The following TMEM8B variants were observed in gnomAD, a reference collection of about 807,000 sequenced individuals.
The protein encoded by TMEM8B is transmembrane protein 8B, also known as nasopharyngeal carcinoma expressed 6.
Under a neutral mutation model 49.3 loss-of-function variants are expected in TMEM8B, and 29 were observed. The ratio of observed to expected loss-of-function variants is 0.59; its 90% CI spans 0.44 to 0.80. The LOEUF (loss-of-function observed/expected upper bound fraction) is 0.80. Ranked by LOEUF, TMEM8B falls within the 30% of genes least tolerant of loss-of-function variation. The probability of loss-of-function intolerance (pLI) is 0.00; values close to 1 mark genes in which losing one functional copy is unlikely to be tolerated. For missense variants in TMEM8B, 575 were observed against 658.5 expected (o/e 0.87, Z 1.39); for synonymous variants, 264 against 272.8 (o/e 0.97, Z 0.32).
intron 1 of TMEM8B, among the ~76,000 whole-genome samples, chr9:35,834,228 T>G (rs1466147235): frequency 1.3e-5 from 2 of 152,136 alleles, no homozygotes; most frequent in Non-Finnish European, 2.9e-5. Flanking sequence ...TTTCCTTATC[T>G]GTAAAAGGAG....
At position 35,853,329 on chromosome 9, in the gene TMEM8B, C is replaced by T; in HGVS notation, c.2439+72C>T. The T allele has an allele frequency of 6.7e-7, 1 of 1,485,522 alleles. No individual in the cohort carries two copies. The highest frequency in any genetic ancestry group is 9.3e-7 in the Non-Finnish European group (1 of 1,071,660). 92.0% of individuals were successfully genotyped at this position (1,485,522 alleles called of 1,614,324 possible). On this transcript the variant is annotated intron_variant, in intron 12 of 12. Transcript: ENST00000643932. This position sits in a 1 kb window ranked among gnomAD's most constrained non-coding sequence, Gnocchi z 4.2. ...GTGCTGGGCCCCAGGTATCTGGTCC[C>T]CAGTTTAAGGTGGGCTTGGCTCTGT...
chr9:35,846,645 G>A, intron 9 of TMEM8B, 34 bp downstream of exon 9: 1 of 1,570,562 alleles, frequency 6.4e-7, no homozygotes. Context: ...GGCTGCGGTG[G>A]ACTGGAGGTG....
In TMEM8B at chr9:35,857,210, A is replaced by G. The variant is rs549524092; in HGVS notation, c.*3370A>G. ...GACAATTCAGTCCCGCAAACCTTCCATAGGGAACATGCTGTGGGAGCTACA... is the reference window on the plus strand; with the variant it reads ...GACAATTCAGTCCCGCAAACCTTCCGTAGGGAACATGCTGTGGGAGCTACA... On this transcript the variant is annotated 3_prime_UTR_variant, in exon 13 of 13. Coordinates refer to ENST00000643932, the MANE Select transcript of TMEM8B (RefSeq NM_001042590.4). 81 of 152,378 alleles carry G rather than the reference A, an allele frequency of 5.3e-4. No individual in the cohort carries two copies. The highest frequency in any genetic ancestry group is 1.8e-3 in the African/African-American group (76 of 41,582). The allele number at this position is 152,378 out of a possible 1,614,324, so 9.4% of individuals were successfully genotyped here.
rs80231270 is a variant in TMEM8B at position 35,839,233 on chromosome 9, G to A, written c.907-1901G>A. 6.0e-3 allele frequency among the ~76,000 whole-genome samples: 909 copies of A among 152,342 alleles called. 4 individuals are homozygous for A. The highest frequency in any genetic ancestry group is 0.031 in the Middle Eastern group (9 of 294). ...GTAGGAATCTATCTACCATGCCTTA[G>A]ACTCCAGGATCTTTCAGCCTGTAGC... On this transcript the variant is annotated intron_variant, in intron 3 of 12. Transcript: ENST00000643932.
intron 10 of TMEM8B, among the ~76,000 whole-genome samples, chr9:35,847,824 C>T (rs558486723): frequency 2.6e-5 from 4 of 152,268 alleles, no homozygotes; most frequent in South Asian, 2.1e-4. Context: ...TATAAGCAAG[C>T]GTCCAGAAAC....
chr9:35,836,102 G>A (rs1369475896), intron 3 of TMEM8B, among the ~76,000 whole-genome samples: 1 of 152,194 alleles, frequency 6.6e-6, no homozygotes, highest in Non-Finnish European at 1.5e-5. Context: ...ACTCAGAAAT[G>A]GGGTGAATAG....
Position 35,846,058 on chromosome 9 carries a change from C to G in TMEM8B, c.1719C>G (p.Thr573=), listed in dbSNP as rs201829341. The G allele has an allele frequency of 3.7e-6, 6 of 1,612,560 alleles. No homozygotes were observed. In the Admixed American group the frequency reaches 1.0e-4, roughly 27 times the overall value. The stretch of plus-strand genomic sequence containing the variant: ...TGAGCCTGGGGGATGCAGCAGTGAC[C>G]TGTTCCAAAGGTGAGGTGAGGAATG... ...VPLSLGDAAV[T]CSKESLAGFL... Residue 573 remains threonine (T), a synonymous_variant, in exon 7 of 13, where the codon ACC becomes ACG. Transcript: ENST00000643932.
chr9:35,852,450 C>A (rs1302007870), intron 10 of TMEM8B, among the ~76,000 whole-genome samples: 1 of 152,018 alleles, frequency 6.6e-6, no homozygotes. Flanking sequence ...TAGCTTAGAG[C>A]TTGGGCCAGG....
intron 3 of TMEM8B, among the ~76,000 whole-genome samples, chr9:35,836,320 C>T (rs145117998): frequency 1.3e-5 from 2 of 152,242 alleles, no homozygotes. Context: ...TGGAAAGGGC[C>T]CTAGGTTCTA....
rs747642576 is a variant in TMEM8B, at chr9:35,846,813, G to A, written c.1997-4G>A. On this transcript the variant is annotated splice_polypyrimidine_tract_variant and splice_region_variant and intron_variant, in intron 9 of 12. Transcript: ENST00000643932. ...CTTCCATTCTGTGCCTTCCCCACCC[G>A]CAGGGTGGAGAGGCTGGGGCTGCAC... The A allele has an allele frequency of 6.8e-6, 11 of 1,610,150 alleles. No homozygotes were observed. The highest frequency in any genetic ancestry group is 1.7e-5 in the Admixed American group (1 of 59,814).
rs992240773 is a variant in TMEM8B at position 35,842,489 on chromosome 9, A to G, written c.1407A>G (p.Pro469=). 6 of 1,604,132 alleles carry G rather than the reference A, an allele frequency of 3.7e-6. No individual in the cohort carries two copies. The highest frequency in any genetic ancestry group is 4.3e-6 in the Non-Finnish European group (5 of 1,173,102). ...ACCAGCCACTGCCCCCAGAACCGCC[A>G]TCCCTTGGAACCCCTGCGGAGGGGC... ...LGNQPLPPEP[P]SLGTPAEGPG... is the part of the protein sequence containing the mutation. The change falls in exon 6 of 13, where the codon CCA becomes CCG. Residue 469 remains proline, a synonymous_variant. Transcript: ENST00000643932. This position sits in a 1 kb window ranked among gnomAD's most constrained non-coding sequence, Gnocchi z 5.6.
chr9:35,856,055 G>A lies in TMEM8B; in HGVS notation c.*2215G>A, dbSNP rs950433172. On this transcript the variant is annotated 3_prime_UTR_variant, in exon 13 of 13. Coordinates refer to ENST00000643932, the MANE Select transcript of TMEM8B (RefSeq NM_001042590.4). ...ACGGAGCTGGGGTGCATCCCTCCCA[G>A]TGAGGAGGGGTCATGAGGGGCGTCT... 2.6e-5 allele frequency: 4 copies of A among 152,266 alleles called. No individual in the cohort carries two copies. Among genetic ancestry groups the A allele is most frequent in the Non-Finnish European group, 5.9e-5 (4 of 68,080 alleles). The allele number at this position is 152,266 out of a possible 1,614,324, so 9.4% of individuals were successfully genotyped here.
In TMEM8B at chr9:35,846,328, G is replaced by A. The variant is rs557315408; in HGVS notation, c.1800G>A (p.Pro600=). The change falls in exon 8 of 13, where the codon CCG becomes CCA. Residue 600 remains proline, a synonymous_variant. Coordinates refer to ENST00000643932, the MANE Select transcript of TMEM8B (RefSeq NM_001042590.4). The part of the protein sequence containing the change: ...TRVARLRIPF[P]QTGTWFLALR... ...TTGCCAGGCTGCGAATCCCATTCCC[G>A]CAGACGGGGACCTGGTTCCTGGCCC... The A allele has an allele frequency of 2.5e-6, 4 of 1,614,134 alleles. No individual in the cohort carries two copies. The highest frequency in any genetic ancestry group is 3.3e-5 in the Admixed American group (2 of 60,020).
At chr9:35,839,494 A>T (rs188423381) in intron 3 of TMEM8B, among the ~76,000 whole-genome samples, 401 of 152,302 alleles carry the variant, frequency 2.6e-3, no homozygotes, top group African/African-American at 8.3e-3. Flanking sequence ...CTCCCTCTGC[A>T]TGAAGAGGGG....
In TMEM8B at chr9:35,842,576, G is replaced by A. The variant is rs1831130188; in HGVS notation, c.1494G>A (p.Leu498=). 6.2e-7 allele frequency: 1 copy of A among 1,614,086 alleles called. No individual in the cohort carries two copies. The highest frequency in any genetic ancestry group is 1.3e-5 in the African/African-American group (1 of 74,936). ...WPVRPTLRNE[L]DTFSVHFYIF... is the part of the protein sequence containing the mutation. The stretch of plus-strand genomic sequence containing the variant: ...TGCGCCCGACTCTGCGCAACGAGCT[G>A]GACACCTTCTCTGTCCACTTCTACA... Residue 498 remains leucine, a synonymous_variant, in exon 6 of 13, where the codon CTG becomes CTA. Transcript: ENST00000643932. The surrounding 1 kb of genome is among the most constrained non-coding windows in gnomAD (Gnocchi z 5.6).
At chr9:35,846,703 C>T in intron 9 of TMEM8B, 92 bp downstream of exon 9, 1 of 1,543,472 alleles carries the variant, frequency 6.5e-7, no homozygotes. Context: ...GAGTGCGCAG[C>T]CTGAATTGGG....
At position 35,832,378 on chromosome 9, in the gene TMEM8B, G is replaced by T. The variant is rs1830005958; in HGVS notation, c.509-2083G>T. On this transcript the variant is annotated intron_variant, in intron 1 of 12. Coordinates refer to ENST00000643932, the MANE Select transcript of TMEM8B (RefSeq NM_001042590.4). ...CAAACCAAAGTTTGGAGTGAATGGG[G>T]CTGTGGACCCTTTCTCAAGCATCTG... is the stretch of plus-strand genomic sequence containing the variant. Among the ~76,000 whole-genome samples the T allele has an allele frequency of 2.0e-5, 3 of 152,068 alleles. No homozygotes were observed. In the South Asian group the frequency reaches 6.2e-4, roughly 32 times the overall value.
rs924651563 is a variant in TMEM8B at position 35,838,511 on chromosome 9, A to G, written c.907-2623A>G. 1.4e-4 allele frequency among the ~76,000 whole-genome samples: 22 copies of G among 151,978 alleles called. No individual in the cohort carries two copies. The East Asian group carries it at 4.3e-3, about 29-fold the overall frequency. ...TTTCTATTCTCTTGCTTGGTGTTCC[A>G]GCACAATAATTTAAAATACCATCTA... On this transcript the variant is annotated intron_variant, in intron 3 of 12. Coordinates refer to ENST00000643932, the MANE Select transcript of TMEM8B (RefSeq NM_001042590.4).
At chr9:35,836,604 T>C (rs942071169) in intron 3 of TMEM8B, among the ~76,000 whole-genome samples, 3 of 152,088 alleles carry the variant, frequency 2.0e-5, no homozygotes, top group Non-Finnish European at 4.4e-5. Flanking sequence ...GGCTACCAGA[T>C]TGGGACAATG....
Sources: gnomAD v4.1 joint callset for allele counts (sites outside exome capture counted in the v4.1 genomes callset) on GRCh38, gnomAD v4.1.1 for gene constraint, Gnocchi (gnomAD v3.1) non-coding constraint, MANE v1.5 for transcripts, NCBI Gene and HGNC (gene_info 2026-07-23, HGNC 2026-07-21) for gene names.